Variants in AAK1 observed in about 807,000 individuals in gnomAD.
The protein encoded by AAK1 is AP2-associated protein kinase 1.
A neutral mutation model predicts 116.0 loss-of-function variants in AAK1; 37 were observed. The observed-to-expected ratio is 0.32, with a 90% confidence interval of 0.25 to 0.42. AAK1 has a LOEUF of 0.42. Ranked by LOEUF, AAK1 falls within the 10% of genes least tolerant of loss-of-function variation. The probability of loss-of-function intolerance (pLI) is 1.00; values close to 1 mark genes in which losing one functional copy is unlikely to be tolerated. For synonymous variants in AAK1, 458 were observed against 439.9 expected (o/e 1.04, Z -0.51); for missense variants, 919 against 1,170.6 (o/e 0.79, Z 3.14).
intron 2 of AAK1, among the ~76,000 whole-genome samples, chr2:69,579,215 T>C (rs1672442697): frequency 1.3e-5 from 2 of 152,178 alleles, no homozygotes; most frequent in Non-Finnish European, 2.9e-5. Context: ...TGTGGCTCAA[T>C]CAAGCGGATG....
chr2:69,501,037 C>T (rs1012821876), intron 16 of AAK1, among the ~76,000 whole-genome samples: 21 of 152,030 alleles, frequency 1.4e-4, no homozygotes, highest in African/African-American at 4.1e-4. Context: ...GCAAAGAAGA[C>T]TCTCAGGGCT....
At chr2:69,577,797 G>T (rs2312203) in intron 2 of AAK1, among the ~76,000 whole-genome samples, 6,844 of 152,230 alleles carry the variant, frequency 0.045, 410 homozygotes, top group East Asian at 0.16. Flanking sequence ...AGGCAGGAGG[G>T]ACTCAGACCA....
chr2:69,599,043 C>T (rs1303920476), intron 2 of AAK1: 18 of 254,990 alleles, frequency 7.1e-5, no homozygotes, highest in Non-Finnish European at 6.2e-5. Flanking sequence ...GGTCCGTGTG[C>T]TAGCTTACAC....
rs1447802646 is a variant in AAK1 at position 69,509,414 on chromosome 2, G to T, written c.1823C>A (p.Pro608His). 1.2e-6 allele frequency: 2 copies of T among 1,613,964 alleles called. No homozygotes were observed. The highest frequency in any genetic ancestry group is 1.7e-6 in the Non-Finnish European group (2 of 1,179,880). The change falls in exon 14 of 22, where the codon CCT (proline) becomes CAT (histidine). Residue 608 changes from proline (P) to histidine (H), a missense_variant. Coordinates refer to ENST00000409085, the MANE Select transcript of AAK1 (RefSeq NM_014911.5). ...AACTTTCTGCCCCTGGACGGCAGGAGGTGGGGTTGTCTGAACCTTTGGCTG... is the reference window on the plus strand; with the variant it reads ...AACTTTCTGCCCCTGGACGGCAGGATGTGGGGTTGTCTGAACCTTTGGCTG... ...RQQPKVQTTP[P>H]PAVQGQKVGS... is the part of the protein sequence containing the mutation.
rs1674643681 is a variant in AAK1 at position 69,470,614 on chromosome 2, T to G, written c.*5255A>C. On this transcript the variant is annotated 3_prime_UTR_variant, in exon 22 of 22. Transcript: ENST00000409085. ...AAATGTTTAATTAAGTTGGCCTGGG[T>G]ATATTAGGGATTAAGTTAGAGGAGG... 4 of 985,366 alleles carry G rather than the reference T, an allele frequency of 4.1e-6. No homozygotes were observed. Among genetic ancestry groups the G allele is most frequent in the Middle Eastern group, 5.2e-4 (1 of 1,914 alleles). 61.0% of individuals were successfully genotyped at this position (985,366 alleles called of 1,614,324 possible).
At chr2:69,572,614 T>C (rs1672132732) in intron 2 of AAK1, among the ~76,000 whole-genome samples, 1 of 135,970 alleles carries the variant, frequency 7.4e-6, no homozygotes, top group Non-Finnish European at 1.6e-5. Context: ...AACGAAACTC[T>C]GTCTTTAAAA....
chr2:69,514,716 C>T lies in AAK1; in HGVS notation c.1531G>A (p.Ala511Thr). 2 of 1,607,924 alleles carry T rather than the reference C, an allele frequency of 1.2e-6. No individual in the cohort carries two copies. The highest frequency in any genetic ancestry group is 1.7e-6 in the Non-Finnish European group (2 of 1,176,002). The change falls in exon 13 of 22, where the codon GCA becomes ACA. Residue 511 changes from alanine to threonine, a missense_variant. Ala to Thr is a moderately conservative substitution (Grantham distance 58, BLOSUM62 0). This residue lies in a region of AAK1 where 214 missense variants were observed against 210.6 expected (regional missense o/e 1.02). Transcript: ENST00000409085. Reference sequence around the variant, plus strand: ...GACACCACAGGGAACTGAGCAATTGCTGGTTTCTGGGTTGCTGGATGTACT... The same window carrying T: ...GACACCACAGGGAACTGAGCAATTGTTGGTTTCTGGGTTGCTGGATGTACT... ...QAVHPATQKP[A>T]IAQFPVVSQG... is the part of the protein sequence containing the mutation.
chr2:69,605,197 C>A (rs780721602), intron 2 of AAK1, among the ~76,000 whole-genome samples: 2 of 152,132 alleles, frequency 1.3e-5, no homozygotes, highest in Non-Finnish European at 2.9e-5. Flanking sequence ...TTGCTGTGTA[C>A]CTACCTTTAC....
chr2:69,507,267 A>T (rs1676222497), intron 15 of AAK1, among the ~76,000 whole-genome samples, 154 bp downstream of exon 15: 1 of 152,244 alleles, frequency 6.6e-6, no homozygotes, highest in African/African-American at 2.4e-5. Context: ...ACTGACTTGT[A>T]TGCATACTTT....
chr2:69,538,841 C>T (rs1202553234), intron 5 of AAK1, among the ~76,000 whole-genome samples: 1 of 152,018 alleles, frequency 6.6e-6, no homozygotes, highest in Non-Finnish European at 1.5e-5. Flanking sequence ...GAGATTGTGC[C>T]ACTGCACTAC....
chr2:69,581,563 A>ATCTCAT (rs1672545843), intron 2 of AAK1, among the ~76,000 whole-genome samples: 1 of 152,210 alleles, frequency 6.6e-6, no homozygotes. Flanking sequence ...GTCAAATGAG[A>ATCTCAT]TTGCTAAATT....
chr2:69,458,058 A>T lies in AAK1; in HGVS notation c.*17811T>A, dbSNP rs944237596. 1 of 152,182 alleles carries T rather than the reference A, an allele frequency of 6.6e-6. No individual in the cohort carries two copies. The highest frequency in any genetic ancestry group is 1.5e-5 in the Non-Finnish European group (1 of 68,022). 9.4% of individuals were successfully genotyped at this position (152,182 alleles called of 1,614,324 possible). ...AGTTTACAACTCAAAACAATTCATA[A>T]AACCTATCAGATACATACGATAAAT... On this transcript the variant is annotated 3_prime_UTR_variant, in exon 22 of 22. Coordinates refer to ENST00000409085, the MANE Select transcript of AAK1 (RefSeq NM_014911.5).
chr2:69,625,846 T>C (rs1448901516), intron 2 of AAK1, among the ~76,000 whole-genome samples: 1 of 152,194 alleles, frequency 6.6e-6, no homozygotes, highest in African/African-American at 2.4e-5. Flanking sequence ...AGGCCATTCT[T>C]CTACCTATCC....
At chr2:69,588,586 T>C (rs1354541435) in intron 2 of AAK1, among the ~76,000 whole-genome samples, 3 of 152,236 alleles carry the variant, frequency 2.0e-5, no homozygotes, top group East Asian at 1.9e-4. Flanking sequence ...TGGATGCCTG[T>C]GACATCTGAG....
chr2:69,593,109 G>A (rs1673105749), intron 2 of AAK1, among the ~76,000 whole-genome samples: 1 of 152,296 alleles, frequency 6.6e-6, no homozygotes, highest in South Asian at 2.1e-4. Flanking sequence ...TGAAACAGAA[G>A]TGTGCTTTGA....
intron 2 of AAK1, among the ~76,000 whole-genome samples, chr2:69,633,786 A>C (rs949201244): frequency 1.3e-5 from 2 of 152,178 alleles, no homozygotes; most frequent in Non-Finnish European, 2.9e-5. Flanking sequence ...TAAGCCAGTA[A>C]GCAACCTTCA....
At position 69,469,816 on chromosome 2, in the gene AAK1, T is replaced by G. The variant is rs1674615670; in HGVS notation, c.*6053A>C. 1 of 985,374 alleles carries G rather than the reference T, an allele frequency of 1.0e-6. No individual in the cohort carries two copies. The allele number at this position is 985,374 out of a possible 1,614,324, so 61.0% of individuals were successfully genotyped here. A position where few individuals can be genotyped will look rare whatever the true frequency, so the allele number is the denominator to read the frequency against. On this transcript the variant is annotated 3_prime_UTR_variant, in exon 22 of 22. Transcript: ENST00000409085. ...TCTTTTTCTTGCTCTGATGTAGGAC[T>G]GTGTGCCAGGTTAGGCACGTTGACA... is the stretch of plus-strand genomic sequence containing the variant.
Position 69,466,248 on chromosome 2 carries a change from C to T in AAK1, c.*9621G>A. ...TGGTGGAGCGAATGGAACGGCTCCT[C>T]CCAGCTTCCCCGGGGGGGGTCTGCA... On this transcript the variant is annotated 3_prime_UTR_variant, in exon 22 of 22. Coordinates refer to ENST00000409085, the MANE Select transcript of AAK1 (RefSeq NM_014911.5). The T allele has an allele frequency of 1.6e-6, 2 of 1,289,794 alleles. No individual in the cohort carries two copies. The highest frequency in any genetic ancestry group is 2.0e-6 in the Non-Finnish European group (2 of 988,866). The allele number at this position is 1,289,794 out of a possible 1,614,324, so 79.9% of individuals were successfully genotyped here.
chr2:69,619,523 G>A (rs1487984282), intron 2 of AAK1, among the ~76,000 whole-genome samples: 1 of 152,106 alleles, frequency 6.6e-6, no homozygotes, highest in African/African-American at 2.4e-5. Context: ...ATGGTTCTAG[G>A]CCTGTGAATA....
Sources: gnomAD v4.1 joint callset for allele counts (sites outside exome capture counted in the v4.1 genomes callset) on GRCh38, gnomAD v4.1.1 for gene constraint, gnomAD v4.1.1 regional missense constraint, MANE v1.5 for transcripts, NCBI Gene and HGNC (gene_info 2026-07-23, HGNC 2026-07-21) for gene names.